Variants in ACAP2 observed in about 807,000 individuals in gnomAD.
ACAP2 encodes the protein arf-GAP with coiled-coil, ANK repeat and PH domain-containing protein 2.
A neutral mutation model predicts 115.8 loss-of-function variants in ACAP2; 39 were observed. That is an observed-to-expected ratio of 0.34 (90% CI 0.26 to 0.44). ACAP2 has a LOEUF of 0.44. Among genes scored for constraint, ACAP2 ranks in the 20% least tolerant of loss-of-function variants. ACAP2 has a pLI of 1.00. For synonymous variants in ACAP2, 289 were observed against 315.8 expected, an observed-to-expected ratio of 0.92 and a Z score of 0.90; for missense variants, 662 against 927.6, an observed-to-expected ratio of 0.71 and a Z score of 3.72.
chr3:195,321,026 T>C (rs1369293375), intron 9 of ACAP2, among the ~76,000 whole-genome samples: 1 of 152,100 alleles, frequency 6.6e-6, no homozygotes, highest in East Asian at 1.9e-4. Context: ...GATTATTTTA[T>C]GCAATACTTA....
intron 10 of ACAP2, among the ~76,000 whole-genome samples, chr3:195,318,775 G>A (rs1729254211): frequency 6.6e-6 from 1 of 152,210 alleles, no homozygotes; most frequent in African/African-American, 2.4e-5. Context: ...TTTGCAGCCT[G>A]ACCATGAGGT....
chr3:195,358,745 A>G (rs1371017780), intron 4 of ACAP2, among the ~76,000 whole-genome samples: 1 of 152,130 alleles, frequency 6.6e-6, no homozygotes, highest in East Asian at 1.9e-4. Flanking sequence ...AGCAAATCTA[A>G]GAGTAAGGTA....
intron 1 of ACAP2, among the ~76,000 whole-genome samples, chr3:195,413,527 T>C (rs1713455707): frequency 6.6e-6 from 1 of 152,054 alleles, no homozygotes; most frequent in Non-Finnish European, 1.5e-5. Context: ...GGCGGGCATA[T>C]CACTTGAGGT....
rs1728442177 is a variant in ACAP2 at position 195,306,672 on chromosome 3, C to T, written c.1011-56G>A. The T allele has an allele frequency of 5.8e-6, 7 of 1,214,874 alleles. No homozygotes were observed. In the South Asian group the frequency reaches 8.2e-5, roughly 14 times the overall value. The allele number at this position is 1,214,874 out of a possible 1,614,324, so 75.3% of individuals were successfully genotyped here. ...ACACTAAGTTAATGCCAAAAACACC[C>T]TATAAGCTTTATATTTTTTCCACTT... On this transcript the variant is annotated intron_variant, in intron 12 of 22. Transcript: ENST00000326793.
At position 195,308,663 on chromosome 3, in the gene ACAP2, A is replaced by G. The variant is rs6804890; in HGVS notation, c.909+123T>C. 3.8e-3 allele frequency: 3,168 copies of G among 835,556 alleles called. 51 individuals carry two copies. In the African/African-American group the frequency reaches 0.043, roughly 11 times the overall value. The allele number at this position is 835,556 out of a possible 1,614,324, so 51.8% of individuals were successfully genotyped here. On this transcript the variant is annotated intron_variant, in intron 11 of 22. Transcript: ENST00000326793. ...AGAGTCCTCTTATACCTGCTCAAAC[A>G]TAAAACTAATAAATAATTACATTAA...
At chr3:195,305,634 G>C (rs532805168) in intron 13 of ACAP2, among the ~76,000 whole-genome samples, 2 of 152,306 alleles carry the variant, frequency 1.3e-5, no homozygotes, top group African/African-American at 4.8e-5. Context: ...GGCTTAGGGA[G>C]CAACTGGTCC....
chr3:195,418,959 G>A (rs917286086), intron 1 of ACAP2, among the ~76,000 whole-genome samples: 1 of 152,128 alleles, frequency 6.6e-6, no homozygotes, highest in Non-Finnish European at 1.5e-5. Flanking sequence ...ATAACATGGA[G>A]ATGCTTGCAA....
intron 1 of ACAP2, among the ~76,000 whole-genome samples, chr3:195,403,249 G>A (rs990463290): frequency 6.6e-6 from 1 of 152,204 alleles, no homozygotes; most frequent in African/African-American, 2.4e-5. Flanking sequence ...AACAGAACCA[G>A]AAAGGGAGAG....
At chr3:195,282,758 A>C (rs568813253) in intron 22 of ACAP2, 1 of 152,350 alleles carries the variant, frequency 6.6e-6, no homozygotes, top group East Asian at 1.9e-4. Context: ...ACTTAACCAC[A>C]TTCTATTTCC....
At position 195,307,152 on chromosome 3, in the gene ACAP2, A is replaced by G. The variant is rs1728477122; in HGVS notation, c.1010+71T>C. The G allele has an allele frequency of 5.5e-5, 70 of 1,272,038 alleles. No homozygotes were observed. The South Asian group carries it at 8.6e-4, about 16-fold the overall frequency. 78.8% of individuals were successfully genotyped at this position (1,272,038 alleles called of 1,614,324 possible). ...GATACAGACAAATGCAAATTTCTCT[A>G]CTCTGGAAAGTTATTTAAGACAAAC... On this transcript the variant is annotated intron_variant, in intron 12 of 22. Transcript: ENST00000326793.
chr3:195,400,609 A>C (rs1712204105), intron 1 of ACAP2, among the ~76,000 whole-genome samples: 1 of 152,190 alleles, frequency 6.6e-6, no homozygotes, highest in Non-Finnish European at 1.5e-5. Flanking sequence ...TGACAGGAAA[A>C]TTAAGTTATC....
chr3:195,393,186 A>G (rs1711505824), intron 1 of ACAP2, among the ~76,000 whole-genome samples: 2 of 152,144 alleles, frequency 1.3e-5, no homozygotes, highest in African/African-American at 2.4e-5. Flanking sequence ...AAATAAAAAG[A>G]TGAGCCAGGC....
chr3:195,424,001 A>G (rs1714405092), intron 1 of ACAP2, among the ~76,000 whole-genome samples: 1 of 151,938 alleles, frequency 6.6e-6, no homozygotes, highest in Non-Finnish European at 1.5e-5. Flanking sequence ...GGGTCCCTGT[A>G]TGACTACATA....
intron 22 of ACAP2, among the ~76,000 whole-genome samples, chr3:195,280,482 A>T (rs993343634): frequency 5.9e-5 from 9 of 152,158 alleles, no homozygotes; most frequent in East Asian, 5.8e-4. Flanking sequence ...AATAAAAAAT[A>T]AAAAAAAGAA....
At chr3:195,424,261 G>GTGTGTATATATATATA (rs1456909404) in intron 1 of ACAP2, among the ~76,000 whole-genome samples, 5 of 54,678 alleles carry the variant, frequency 9.1e-5, no homozygotes, top group African/African-American at 2.0e-4. Flanking sequence ...GTGTGTGTGT[G>GTGTGTATATATATATA]TATATATATA....
intron 1 of ACAP2, among the ~76,000 whole-genome samples, chr3:195,436,100 C>G (rs1243904026): frequency 6.7e-6 from 1 of 148,352 alleles, no homozygotes; most frequent in African/African-American, 2.5e-5. Flanking sequence ...TACACACACA[C>G]AGATATATAC....
intron 5 of ACAP2, among the ~76,000 whole-genome samples, chr3:195,343,699 A>C (rs1005514550): frequency 3.3e-5 from 5 of 152,250 alleles, no homozygotes; most frequent in African/African-American, 1.2e-4. Flanking sequence ...CCCTTTTAAT[A>C]GTCTGAAAAT....
chr3:195,364,166 C>T (rs1732556693), intron 4 of ACAP2, among the ~76,000 whole-genome samples: 1 of 152,054 alleles, frequency 6.6e-6, no homozygotes, highest in South Asian at 2.1e-4. Flanking sequence ...AGAGACAATC[C>T]ACAGGAGAAA....
chr3:195,423,786 T>A (rs1447981692), intron 1 of ACAP2, among the ~76,000 whole-genome samples: 1 of 152,130 alleles, frequency 6.6e-6, no homozygotes, highest in Non-Finnish European at 1.5e-5. Flanking sequence ...TTACACACAC[T>A]GAAATTTTAT....
Sources: gnomAD v4.1 joint callset for allele counts (sites outside exome capture counted in the v4.1 genomes callset) on GRCh38, gnomAD v4.1.1 for gene constraint, MANE v1.5 for transcripts, NCBI Gene and HGNC (gene_info 2026-07-23, HGNC 2026-07-21) for gene names.